Variants in KCND2 observed in about 807,000 individuals in gnomAD.
KCND2 encodes the protein potassium voltage-gated channel subfamily D member 2, also known as A-type voltage-gated potassium channel KCND2.
A neutral mutation model predicts 54.4 loss-of-function variants in KCND2; 16 were observed. That is an observed-to-expected ratio of 0.29 (90% CI 0.20 to 0.45). The LOEUF (loss-of-function observed/expected upper bound fraction) is 0.45, where lower values mean the gene tolerates loss of function less well. Among genes scored for constraint, KCND2 ranks in the 20% least tolerant of loss-of-function variants. The pLI, the probability that KCND2 is intolerant of heterozygous loss-of-function variation, is 1.00. For missense variants in KCND2, 486 were observed against 824.2 expected, an observed-to-expected ratio of 0.59 and a Z score of 5.02; for synonymous variants, 317 against 310.7, an observed-to-expected ratio of 1.02 and a Z score of -0.21.
At chr7:120,438,010 T>C (rs199723455) in intron 1 of KCND2, among the ~76,000 whole-genome samples, 1 of 152,212 alleles carries the variant, frequency 6.6e-6, no homozygotes, top group Non-Finnish European at 1.5e-5. Context: ...TCTGGAAAGT[T>C]TGGCTTTTAT....
Position 120,274,864 on chromosome 7 carries a change from C to A in KCND2, c.232C>A (p.Pro78Thr). 1 of 1,614,140 alleles carries A rather than the reference C, an allele frequency of 6.2e-7. No homozygotes were observed. The highest frequency in any genetic ancestry group is 8.5e-7 in the Non-Finnish European group (1 of 1,180,020). ...TTCTGAGAGGGACTTTTTCTACCAC[C>A]CAGAAACTCAGCAGTATTTCTTTGA... ...GSSERDFFYH[P>T]ETQQYFFDRD... The change falls in exon 1 of 6, where the codon CCA (proline) becomes ACA (threonine). Residue 78 changes from proline to threonine, a missense_variant. Pro to Thr is a conservative substitution (Grantham distance 38). Around this residue, in one of 7 missense-constraint regions of KCND2, gnomAD observed 231 missense variants for 386.0 expected, o/e 0.60. Transcript: ENST00000331113.
intron 1 of KCND2, among the ~76,000 whole-genome samples, chr7:120,364,191 G>A (rs1198912319): frequency 6.6e-6 from 1 of 152,086 alleles, no homozygotes; most frequent in Non-Finnish European, 1.5e-5. Flanking sequence ...TCATGTATCT[G>A]GTTTATGAAT....
chr7:120,572,210 C>A (rs1171395861), intron 1 of KCND2, among the ~76,000 whole-genome samples: 1 of 151,418 alleles, frequency 6.6e-6, no homozygotes. Flanking sequence ...TAAAATACAG[C>A]CCATTGATTA....
intron 1 of KCND2, among the ~76,000 whole-genome samples, chr7:120,514,493 T>C (rs1562860672): frequency 6.6e-6 from 1 of 152,236 alleles, no homozygotes; most frequent in East Asian, 1.9e-4. Context: ...AAACCAAATA[T>C]TATAGTAGTC....
intron 1 of KCND2, among the ~76,000 whole-genome samples, chr7:120,409,312 A>G (rs138563068): frequency 1.5e-3 from 223 of 152,066 alleles, no homozygotes; most frequent in Non-Finnish European, 2.7e-3. Flanking sequence ...TTGTTTATCA[A>G]TTTACTAGCT....
chr7:120,489,288 T>G (rs1226236145), intron 1 of KCND2, among the ~76,000 whole-genome samples: 1 of 152,062 alleles, frequency 6.6e-6, no homozygotes, highest in Non-Finnish European at 1.5e-5. Context: ...ATGAACTAGA[T>G]AGATGCATAA....
At chr7:120,349,850 C>G (rs1800376432) in intron 1 of KCND2, among the ~76,000 whole-genome samples, 1 of 152,060 alleles carries the variant, frequency 6.6e-6, no homozygotes, top group African/African-American at 2.4e-5. Context: ...TTACTTTAGT[C>G]CACTGCAGAT....
intron 1 of KCND2, among the ~76,000 whole-genome samples, chr7:120,312,896 T>C (rs1040442521): frequency 1.1e-4 from 16 of 152,092 alleles, no homozygotes; most frequent in Non-Finnish European, 1.3e-4. Context: ...TGTGACTTTT[T>C]TTAAAAAAAA....
At chr7:120,493,496 A>G (rs879574141) in intron 1 of KCND2, among the ~76,000 whole-genome samples, 1 of 152,090 alleles carries the variant, frequency 6.6e-6, no homozygotes, top group Non-Finnish European at 1.5e-5. Flanking sequence ...ATAATATGCA[A>G]TTTCATAAAG....
In KCND2 at chr7:120,472,207, C is replaced by T. The variant is rs533252463; in HGVS notation, c.1115+196460C>T. On this transcript the variant is annotated intron_variant, in intron 1 of 5. Coordinates refer to ENST00000331113, the MANE Select transcript of KCND2 (RefSeq NM_012281.3). ...GAATCTTGTTTTTTTCTTTTTATTT[C>T]TAAAATGGAGATAATAACAGTAACA... Among the ~76,000 whole-genome samples, 25 of 151,280 alleles carry T rather than the reference C, an allele frequency of 1.7e-4. No homozygotes were observed. In the South Asian group the frequency reaches 5.2e-3, roughly 32 times the overall value.
chr7:120,650,433 G>A lies in KCND2; in HGVS notation c.1116-82470G>A, dbSNP rs963693616. Among the ~76,000 whole-genome samples, 16 of 142,702 alleles carry A rather than the reference G, an allele frequency of 1.1e-4. 1 individual carries two copies. The highest frequency in any genetic ancestry group is 1.9e-4 in the East Asian group (1 of 5,172). The allele number at this position is 142,702 out of a possible 152,430, so 93.6% of individuals were successfully genotyped here. On this transcript the variant is annotated intron_variant, in intron 1 of 5. Coordinates refer to ENST00000331113, the MANE Select transcript of KCND2 (RefSeq NM_012281.3). ...CAGCTACTGAAGCTGTGCATTTGTC[G>A]TGTAGTTCTCGTGCCATGGTTTTCA...
chr7:120,294,863 C>CAT (rs2116283075), intron 1 of KCND2, among the ~76,000 whole-genome samples: 1 of 151,718 alleles, frequency 6.6e-6, no homozygotes, highest in South Asian at 2.1e-4. Context: ...CACATATGTA[C>CAT]ACATACATAT....
chr7:120,677,988 T>G (rs1024484352), intron 1 of KCND2, among the ~76,000 whole-genome samples: 26 of 152,158 alleles, frequency 1.7e-4, no homozygotes, highest in African/African-American at 5.8e-4. Context: ...TATCCTTTAT[T>G]GAGAACATAA....
intron 1 of KCND2, among the ~76,000 whole-genome samples, chr7:120,614,806 A>C (rs1372839166): frequency 6.6e-6 from 1 of 152,254 alleles, no homozygotes; most frequent in Non-Finnish European, 1.5e-5. Flanking sequence ...CAACATTTGC[A>C]TAATTTTTAA....
At chr7:120,667,996 AAG>A (rs1023812246) in intron 1 of KCND2, among the ~76,000 whole-genome samples, 1 of 152,088 alleles carries the variant, frequency 6.6e-6, no homozygotes, top group African/African-American at 2.4e-5. Flanking sequence ...TCTCATTAAA[AAG>A]TTTATTATTA....
intron 1 of KCND2, among the ~76,000 whole-genome samples, chr7:120,552,148 A>G (rs1792111751): frequency 6.6e-6 from 1 of 152,216 alleles, no homozygotes; most frequent in African/African-American, 2.4e-5. Flanking sequence ...ATAATCCCAT[A>G]TATGTGATTA....
At chr7:120,340,203 T>A (rs1478758810) in intron 1 of KCND2, among the ~76,000 whole-genome samples, 1 of 152,200 alleles carries the variant, frequency 6.6e-6, no homozygotes, top group Admixed American at 6.5e-5. Flanking sequence ...TAGAAAGGAA[T>A]ATAGTAATCC....
chr7:120,437,659 C>G (rs541613810), intron 1 of KCND2, among the ~76,000 whole-genome samples: 1 of 152,246 alleles, frequency 6.6e-6, no homozygotes, highest in East Asian at 1.9e-4. Context: ...TAAACCTATG[C>G]TAATGTATTT....
At chr7:120,742,746 A>T in intron 4 of KCND2, 144 bp downstream of exon 4, 1 of 695,948 alleles carries the variant, frequency 1.4e-6, no homozygotes, top group Non-Finnish European at 2.6e-6. Flanking sequence ...AAACCCCACA[A>T]TATTTGAAAT....
Sources: allele counts gnomAD v4.1 joint callset (sites outside exome capture counted in the v4.1 genomes callset), GRCh38; gene constraint gnomAD v4.1.1; regional missense constraint gnomAD v4.1.1; transcripts MANE v1.5; gene names NCBI Gene and HGNC (gene_info 2026-07-23, HGNC 2026-07-21).